CDC42: variants seen among roughly 807,000 people sequenced by gnomAD.
CDC42 encodes cell division control protein 42 homolog.
A neutral mutation model predicts 20.8 loss-of-function variants in CDC42; 1 was observed. That is an observed-to-expected ratio of 0.05 (90% CI 0.02 to 0.23). The LOEUF (loss-of-function observed/expected upper bound fraction) is 0.23, where lower values mean the gene tolerates loss of function less well. CDC42 is among the 10% of genes least tolerant of loss of function. The probability of loss-of-function intolerance (pLI) is 1.00; values close to 1 mark genes in which losing one functional copy is unlikely to be tolerated. For missense variants in CDC42, 49 were observed against 227.9 expected (o/e 0.21, Z 5.05); for synonymous variants, 72 against 84.8 (o/e 0.85, Z 0.83).
rs1645726840 is a variant in CDC42, at chr1:22,092,332, C to T, written c.*815C>T. 3 of 152,568 alleles carry T rather than the reference C, an allele frequency of 2.0e-5. No individual in the cohort carries two copies. Among genetic ancestry groups the T allele is most frequent in the African/African-American group, 7.2e-5 (3 of 41,422 alleles). The allele number at this position is 152,568 out of a possible 1,614,324, so 9.5% of individuals were successfully genotyped here. A position where few individuals can be genotyped will look rare whatever the true frequency, so the allele number is the denominator to read the frequency against. Reference sequence around the variant, plus strand: ...GGAAGTTAATTTCTAACTTCTTTCACTGATAAATGAAGAAAAGTATTGCAC... The same window carrying T: ...GGAAGTTAATTTCTAACTTCTTTCATTGATAAATGAAGAAAAGTATTGCAC... On this transcript the variant is annotated 3_prime_UTR_variant, in exon 6 of 6. Transcript: ENST00000656825.
chr1:22,083,651 T>C (rs944543112), intron 3 of CDC42, among the ~76,000 whole-genome samples: 1 of 152,184 alleles, frequency 6.6e-6, no homozygotes, highest in Admixed American at 6.5e-5. Context: ...TGCATTTTGC[T>C]GACCCTCCAC....
chr1:22,076,819 A>G (rs1645556485), intron 1 of CDC42, among the ~76,000 whole-genome samples: 1 of 152,068 alleles, frequency 6.6e-6, no homozygotes. Flanking sequence ...AGAAGGAAAA[A>G]GGAGATATAA....
At chr1:22,078,304 G>A (rs1352893277) in intron 1 of CDC42, 125 bp from the exon 2 acceptor site, 1 of 495,870 alleles carries the variant, frequency 2.0e-6, no homozygotes, top group Admixed American at 3.7e-5. Context: ...CTCTTATTGG[G>A]TTCTTTTAGC....
At chr1:22,064,834 G>A (rs373709613) in intron 1 of CDC42, among the ~76,000 whole-genome samples, 3 of 152,096 alleles carry the variant, frequency 2.0e-5, no homozygotes, top group African/African-American at 2.4e-5. Context: ...TTGCCACCAC[G>A]CTTGGCTAAT....
At chr1:22,071,042 C>CTTTA (rs1645485338) in intron 1 of CDC42, among the ~76,000 whole-genome samples, 1 of 50,594 alleles carries the variant, frequency 2.0e-5, no homozygotes, top group Non-Finnish European at 3.5e-5. Flanking sequence ...CTTTTTTTTT[C>CTTTA]TTTCTTTTTT....
At position 22,086,794 on chromosome 1, in the gene CDC42, T is replaced by A. The variant is rs376287924; in HGVS notation, c.414T>A (p.Thr138=). 23 of 1,613,918 alleles carry A rather than the reference T, an allele frequency of 1.4e-5. No homozygotes were observed. Among genetic ancestry groups the A allele is most frequent in the Non-Finnish European group, 1.9e-5 (23 of 1,179,968 alleles). Residue 138 remains threonine, a synonymous_variant, in exon 5 of 6, where the codon ACT becomes ACA. Coordinates refer to ENST00000656825, the MANE Select transcript of CDC42 (RefSeq NM_001791.4). ...CCAAGAACAAACAGAAGCCTATCAC[T>A]CCAGAGACTGCTGAAAAGCTGGCCC... ...KLAKNKQKPI[T]PETAEKLARD...
chr1:22,098,799 C>T lies in CDC42; in HGVS notation c.*7282C>T, dbSNP rs1645772760. 6.6e-6 allele frequency among the ~76,000 whole-genome samples: 1 copy of T among 152,108 alleles called. No individual in the cohort carries two copies. Among genetic ancestry groups the T allele is most frequent in the African/African-American group, 2.4e-5 (1 of 41,402 alleles). ...TTGGAGACAGGGTCTCACTCTGTCA[C>T]CCAGGCTGGAGTGCAGTGTCGTGGT... On this transcript the variant is annotated 3_prime_UTR_variant, in exon 6 of 6. Coordinates refer to ENST00000656825, the MANE Select transcript of CDC42 (RefSeq NM_001791.4).
chr1:22,054,462 C>G (rs1037868963), intron 1 of CDC42, among the ~76,000 whole-genome samples: 4 of 152,080 alleles, frequency 2.6e-5, no homozygotes. Flanking sequence ...GCAGAGATCA[C>G]AATTTTTGTT....
intron 1 of CDC42, among the ~76,000 whole-genome samples, chr1:22,066,910 A>C (rs1645430311): frequency 6.6e-6 from 1 of 152,204 alleles, no homozygotes; most frequent in South Asian, 2.1e-4. Context: ...CTAAAAATAC[A>C]AAATTAGCCG....
Position 22,094,934 on chromosome 1 carries a change from A to G in CDC42, c.*3417A>G, listed in dbSNP as rs569205862. On this transcript the variant is annotated 3_prime_UTR_variant, in exon 6 of 6. Transcript: ENST00000656825. ...TTTTCCTTTTCTTCTTCCATTTGTG[A>G]GGTAAATTAGTGGTTATTTTGGTGC... is the stretch of plus-strand genomic sequence containing the variant. Among the ~76,000 whole-genome samples, 2 of 152,148 alleles carry G rather than the reference A, an allele frequency of 1.3e-5. No individual in the cohort carries two copies. The highest frequency in any genetic ancestry group is 4.8e-5 in the African/African-American group (2 of 41,496).
At position 22,086,899 on chromosome 1, in the gene CDC42, T is replaced by C. The variant is rs774041950; in HGVS notation, c.486+33T>C. ...TGGCATGAAACCCCATGTGTATTTA[T>C]GGTCGAGTCATTTATTAGAGCATTA... On this transcript the variant is annotated intron_variant, in intron 5 of 5. Transcript: ENST00000656825. 140 of 1,560,398 alleles carry C rather than the reference T, an allele frequency of 9.0e-5. 2 individuals are homozygous for C. The highest frequency in any genetic ancestry group is 4.2e-4 in the South Asian group (38 of 89,698).
chr1:22,055,390 G>A (rs1645293957), intron 1 of CDC42, among the ~76,000 whole-genome samples: 1 of 148,754 alleles, frequency 6.7e-6, no homozygotes, highest in South Asian at 2.1e-4. Context: ...ATGTTTTCAT[G>A]TTACAACCAA....
chr1:22,054,615 C>A (rs188910436), intron 1 of CDC42, among the ~76,000 whole-genome samples: 1 of 151,940 alleles, frequency 6.6e-6, no homozygotes, highest in Non-Finnish European at 1.5e-5. Context: ...CAAGTGCTTT[C>A]CCACTGTTTC....
intron 3 of CDC42, among the ~76,000 whole-genome samples, chr1:22,084,335 G>GTTTTTTTTTTTTTTTTTTTTT (rs61584354): frequency 2.5e-5 from 2 of 80,690 alleles, no homozygotes; most frequent in Non-Finnish European, 2.3e-5. Flanking sequence ...CTTATTTCCT[G>GTTTTTTTTTTTTTTTTTTTTT]TTTTTTTTTT....
In CDC42 at chr1:22,098,750, A is replaced by G. The variant is rs775183931; in HGVS notation, c.*7233A>G. ...TTAGAGTATTTCTGGGCTATAGGTC[A>G]TTACAGCTTTACTTATTTATTTTTT... On this transcript the variant is annotated 3_prime_UTR_variant, in exon 6 of 6. Coordinates refer to ENST00000656825, the MANE Select transcript of CDC42 (RefSeq NM_001791.4). Among the ~76,000 whole-genome samples, 1 of 152,098 alleles carries G rather than the reference A, an allele frequency of 6.6e-6. No individual in the cohort carries two copies. Among genetic ancestry groups the G allele is most frequent in the African/African-American group, 2.4e-5 (1 of 41,412 alleles).
intron 1 of CDC42, among the ~76,000 whole-genome samples, chr1:22,071,351 G>A (rs530942809): frequency 3.9e-5 from 6 of 152,208 alleles, no homozygotes; most frequent in African/African-American, 1.2e-4. Flanking sequence ...GTCGGAACAA[G>A]CATTTCTAAC....
intron 1 of CDC42, among the ~76,000 whole-genome samples, chr1:22,073,173 T>C (rs1645511041): frequency 6.6e-6 from 1 of 152,262 alleles, no homozygotes; most frequent in South Asian, 2.1e-4. Context: ...ATCTGTAGTG[T>C]GTGGACTTAA....
At chr1:22,079,552 A>G (rs531937757) in intron 2 of CDC42, among the ~76,000 whole-genome samples, 1 of 152,230 alleles carries the variant, frequency 6.6e-6, no homozygotes, top group Admixed American at 6.5e-5. Context: ...TGTGAAAGGT[A>G]GTGAGACCCT....
chr1:22,061,911 C>G (rs1484244961), intron 1 of CDC42, among the ~76,000 whole-genome samples: 1 of 151,624 alleles, frequency 6.6e-6, no homozygotes, highest in African/African-American at 2.4e-5. Flanking sequence ...CTCCCCATCA[C>G]CCCTATGGAA....
Sources: allele counts gnomAD v4.1 joint callset (sites outside exome capture counted in the v4.1 genomes callset), GRCh38; gene constraint gnomAD v4.1.1; transcripts MANE v1.5; gene names NCBI Gene and HGNC (gene_info 2026-07-23, HGNC 2026-07-21).